SKI: variants seen among roughly 807,000 people sequenced by gnomAD.
SKI encodes SKI proto-oncogene, also known as ski oncogene.
Under a neutral mutation model 59.3 loss-of-function variants are expected in SKI, and 23 were observed. That is an observed-to-expected ratio of 0.39 (90% CI 0.28 to 0.55). The LOEUF is 0.55. SKI is among the 20% of genes least tolerant of loss of function. The pLI is 0.67. For missense variants in SKI, 1,017 were observed against 1,038.9 expected (o/e 0.98, Z 0.29); for synonymous variants, 673 against 488.6 (o/e 1.38, Z -4.98).
In SKI at chr1:2,229,692, A is replaced by G; in HGVS notation, c.926A>G (p.Glu309Gly). Residue 309 changes from glutamate to glycine, a missense_variant, in exon 1 of 7, where the codon GAG (glutamate) becomes GGG (glycine). Physicochemically the swap from Glu to Gly is moderately conservative, Grantham distance 98. Coordinates refer to ENST00000378536, the MANE Select transcript of SKI (RefSeq NM_003036.4). This position sits in a 1 kb window ranked among gnomAD's most constrained non-coding sequence, Gnocchi z 6.3. ...RLGRCLDDVK[E>G]KFDYGNKYKR... The stretch of plus-strand genomic sequence containing the variant: ...GGCCGCTGCCTGGACGACGTGAAGG[A>G]GAAATTCGACTATGGCAACAAGTAC... 1 of 1,598,508 alleles carries G rather than the reference A, an allele frequency of 6.3e-7. No individual in the cohort carries two copies. Among genetic ancestry groups the G allele is most frequent in the South Asian group, 1.1e-5 (1 of 89,192 alleles).
intron 1 of SKI, among the ~76,000 whole-genome samples, chr1:2,297,061 C>T (rs1569845949): frequency 6.6e-6 from 1 of 151,948 alleles, no homozygotes; most frequent in South Asian, 2.1e-4. Context: ...TTGGTGTGGG[C>T]ATAGGCCGTC....
At chr1:2,300,693 C>T (rs1014033788) in intron 1 of SKI, among the ~76,000 whole-genome samples, 10 of 152,204 alleles carry the variant, frequency 6.6e-5, no homozygotes, top group Non-Finnish European at 1.5e-4. Context: ...GCAGAGAGCC[C>T]GCCCTGAGAG....
At chr1:2,244,895 A>G (rs978583395) in intron 1 of SKI, among the ~76,000 whole-genome samples, 2 of 152,248 alleles carry the variant, frequency 1.3e-5, no homozygotes, top group African/African-American at 4.8e-5. Flanking sequence ...CAAACAAAAT[A>G]TACTTTTCTT....
rs569718541 is a variant in SKI, at chr1:2,262,573, G to A, written c.969+32838G>A. ...GAATCAGAGTTTGGGTGGGAGTGGT[G>A]GGCGTGGACGCCCTTGCTCCTGATC... On this transcript the variant is annotated intron_variant, in intron 1 of 6. Transcript: ENST00000378536. Among the ~76,000 whole-genome samples the A allele has an allele frequency of 2.6e-5, 4 of 152,108 alleles. No individual in the cohort carries two copies. In the East Asian group the frequency reaches 5.8e-4, roughly 22 times the overall value.
At position 2,303,106 on chromosome 1, in the gene SKI, G is replaced by A. The variant is rs1181511669; in HGVS notation, c.1095+3G>A. 1.2e-6 allele frequency: 2 copies of A among 1,613,146 alleles called. No individual in the cohort carries two copies. The highest frequency in any genetic ancestry group is 2.7e-5 in the African/African-American group (2 of 74,938). The stretch of plus-strand genomic sequence containing the variant: ...CCTTGGCCGGCTCTTCCAATAAGGT[G>A]CTGTGGGGCCTGTCGGGGTCCTTGG... On this transcript the variant is annotated splice_donor_region_variant and intron_variant, in intron 2 of 6. Coordinates refer to ENST00000378536, the MANE Select transcript of SKI (RefSeq NM_003036.4). The surrounding 1 kb of genome is among the most constrained non-coding windows in gnomAD (Gnocchi z 5.6).
intron 1 of SKI, among the ~76,000 whole-genome samples, chr1:2,239,889 C>T (rs1479997254): frequency 6.6e-6 from 1 of 152,256 alleles, no homozygotes; most frequent in Non-Finnish European, 1.5e-5. Flanking sequence ...CTGCTCCCCA[C>T]TGCTGCTTCA....
chr1:2,309,598 A>G lies in SKI; in HGVS notation c.*2833A>G, dbSNP rs1640694912. 1 of 151,446 alleles carries G rather than the reference A, an allele frequency of 6.6e-6. No individual in the cohort carries two copies. The highest frequency in any genetic ancestry group is 6.6e-5 in the Admixed American group (1 of 15,244). 9.4% of individuals were successfully genotyped at this position (151,446 alleles called of 1,614,324 possible). On this transcript the variant is annotated 3_prime_UTR_variant, in exon 7 of 7. Transcript: ENST00000378536. ...AAAAAATGCTTTCCTGCCGGGGGGC[A>G]GGGGAGACGGAGAAACCCATGTGCG... is the stretch of plus-strand genomic sequence containing the variant.
At chr1:2,275,068 G>C (rs1356918621) in intron 1 of SKI, among the ~76,000 whole-genome samples, 1 of 152,196 alleles carries the variant, frequency 6.6e-6, no homozygotes. Context: ...GTGGCACCAG[G>C]TGTTTCTCCA....
chr1:2,245,777 T>TA (rs1255494118), intron 1 of SKI, among the ~76,000 whole-genome samples: 2 of 142,976 alleles, frequency 1.4e-5, no homozygotes, highest in African/African-American at 2.6e-5. Flanking sequence ...CACCTGGCCC[T>TA]ATTTTTCCTT....
At position 2,267,673 on chromosome 1, in the gene SKI, C is replaced by T. The variant is rs1471466514; in HGVS notation, c.970-35305C>T. Among the ~76,000 whole-genome samples, 2 of 152,070 alleles carry T rather than the reference C, an allele frequency of 1.3e-5. No individual in the cohort carries two copies. The highest frequency in any genetic ancestry group is 2.1e-4 in the South Asian group (1 of 4,820). ...AAAGGCTTGTTGTGGGGGCGGGGGG[C>T]GCACCACACTTCAGGGATGCAGCCG... On this transcript the variant is annotated intron_variant, in intron 1 of 6. Coordinates refer to ENST00000378536, the MANE Select transcript of SKI (RefSeq NM_003036.4). The surrounding 1 kb of genome is among the most constrained non-coding windows in gnomAD (Gnocchi z 4.1).
chr1:2,251,932 T>A (rs1440038646), intron 1 of SKI, among the ~76,000 whole-genome samples: 1 of 152,198 alleles, frequency 6.6e-6, no homozygotes, highest in East Asian at 1.9e-4. Context: ...GCCTCGTCTC[T>A]GGAGGCCTCC....
chr1:2,250,272 A>G (rs1185589445), intron 1 of SKI, among the ~76,000 whole-genome samples: 1 of 152,148 alleles, frequency 6.6e-6, no homozygotes, highest in South Asian at 2.1e-4. Context: ...GCCCTGCTCA[A>G]CAGAGAGTCC....
intron 1 of SKI, among the ~76,000 whole-genome samples, chr1:2,287,367 G>C (rs1287362484): frequency 5.6e-5 from 8 of 143,500 alleles, no homozygotes; most frequent in South Asian, 2.2e-4. Context: ...GACTGAGTCT[G>C]GCTCTGTCGC....
At position 2,307,603 on chromosome 1, in the gene SKI, GC is replaced by G. The variant is rs1293088757; in HGVS notation, c.*839del. ...CCGGGCACACGTGCCGCCTGACCGG[GC>G]GACCCTTTTCAGTTCGGCAAACGTC... is the stretch of plus-strand genomic sequence containing the variant. On this transcript the variant is annotated 3_prime_UTR_variant, in exon 7 of 7. Transcript: ENST00000378536. 2 of 152,546 alleles carry G rather than the reference GC, an allele frequency of 1.3e-5. No homozygotes were observed. The highest frequency in any genetic ancestry group is 4.8e-5 in the African/African-American group (2 of 41,480). 9.4% of individuals were successfully genotyped at this position (152,546 alleles called of 1,614,324 possible). A position where few individuals can be genotyped will look rare whatever the true frequency, so the allele number is the denominator to read the frequency against.
rs1203771643 is a variant in SKI, at chr1:2,260,298, C to G, written c.969+30563C>G. Among the ~76,000 whole-genome samples the G allele has an allele frequency of 2.6e-5, 4 of 152,150 alleles. No individual in the cohort carries two copies. In the East Asian group the frequency reaches 7.7e-4, roughly 29 times the overall value. On this transcript the variant is annotated intron_variant, in intron 1 of 6. Coordinates refer to ENST00000378536, the MANE Select transcript of SKI (RefSeq NM_003036.4). ...GGCTTCTCTTGTGCGTATTTGCCACCATATGTCTTCTTTGGTGAAATGTCC... is the reference window on the plus strand; with the variant it reads ...GGCTTCTCTTGTGCGTATTTGCCACGATATGTCTTCTTTGGTGAAATGTCC...
intron 1 of SKI, among the ~76,000 whole-genome samples, chr1:2,302,447 G>A (rs147871785): frequency 9.2e-5 from 14 of 152,250 alleles, no homozygotes; most frequent in African/African-American, 2.4e-4. Context: ...ACAGGGACAC[G>A]GTGTCCCCTC....
chr1:2,235,874 C>T (rs1201128223), intron 1 of SKI, among the ~76,000 whole-genome samples: 1 of 152,238 alleles, frequency 6.6e-6, no homozygotes, highest in African/African-American at 2.4e-5. Context: ...GTCCTGCCGG[C>T]CGCCTAGTAG....
chr1:2,283,932 C>T (rs1639974255), intron 1 of SKI, among the ~76,000 whole-genome samples: 1 of 152,168 alleles, frequency 6.6e-6, no homozygotes, highest in South Asian at 2.1e-4. Flanking sequence ...CGTCCCCTTC[C>T]TGCAGGAGGC....
At chr1:2,238,105 AT>A (rs1295562086) in intron 1 of SKI, among the ~76,000 whole-genome samples, 6 of 152,200 alleles carry the variant, frequency 3.9e-5, no homozygotes, top group African/African-American at 1.4e-4. Context: ...CAGGGTGGGC[AT>A]CCTTGGCTCC....
Sources: gnomAD v4.1 joint callset for allele counts (sites outside exome capture counted in the v4.1 genomes callset) on GRCh38, gnomAD v4.1.1 for gene constraint, Gnocchi (gnomAD v3.1) non-coding constraint, MANE v1.5 for transcripts, NCBI Gene and HGNC (gene_info 2026-07-23, HGNC 2026-07-21) for gene names.